CD300LF: variants seen among roughly 807,000 people sequenced by gnomAD.
CD300LF encodes CMRF35-like molecule 1.
Under a neutral mutation model 32.2 loss-of-function variants are expected in CD300LF, and 27 were observed. The observed-to-expected ratio is 0.84, with a 90% CI of 0.62 to 1.15. The LOEUF (loss-of-function observed/expected upper bound fraction) is 1.15. Among genes scored for constraint, CD300LF ranks in the 50% most tolerant of loss-of-function variants. The probability of loss-of-function intolerance (pLI) is 0.00; values close to 1 mark genes in which losing one functional copy is unlikely to be tolerated. For missense variants in CD300LF, 348 were observed against 356.8 expected (o/e 0.98, Z 0.20); for synonymous variants, 139 against 143.2 (o/e 0.97, Z 0.21).
chr17:74,696,289 A>G, intron 4 of CD300LF, 72 bp from the exon 5 acceptor site: 2 of 1,495,964 alleles, frequency 1.3e-6, no homozygotes, highest in Admixed American at 4.4e-5. Context: ...AGGTCTAGGG[A>G]AGAGAAATAT....
intron 3 of CD300LF, among the ~76,000 whole-genome samples, chr17:74,699,632 C>G (rs2032852942): frequency 6.6e-6 from 1 of 152,142 alleles, no homozygotes; most frequent in African/African-American, 2.4e-5. Context: ...ATGAGACAGA[C>G]TCTCCCTTTG....
Position 74,695,554 on chromosome 17 carries a change from A to C in CD300LF, c.717+171T>G, listed in dbSNP as rs981175528. On this transcript the variant is annotated intron_variant, in intron 6 of 6. Coordinates refer to ENST00000326165, the MANE Select transcript of CD300LF (RefSeq NM_139018.5). The stretch of plus-strand genomic sequence containing the variant: ...GCCAGTCCCTGTGTCCCCAGGACTG[A>C]GACTTGCCTGTGGGAGCTCCTAGGC... 1.1e-4 allele frequency among the ~76,000 whole-genome samples: 16 copies of C among 152,150 alleles called. No individual in the cohort carries two copies. In the South Asian group the frequency reaches 1.2e-3, roughly 12 times the overall value.
chr17:74,706,345 T>TC (rs1474818910), intron 1 of CD300LF, among the ~76,000 whole-genome samples: 1 of 144,112 alleles, frequency 6.9e-6, no homozygotes, highest in Non-Finnish European at 1.5e-5. Context: ...TGCCTGGCCT[T>TC]TTTTTTTTTT....
intron 3 of CD300LF, among the ~76,000 whole-genome samples, chr17:74,701,876 G>C (rs987710453): frequency 3.3e-5 from 5 of 151,250 alleles, no homozygotes; most frequent in Admixed American, 2.6e-4. Flanking sequence ...ACAATTAGCT[G>C]GGTGTGGTGG....
intron 5 of CD300LF, 63 bp from the exon 6 acceptor site, chr17:74,695,922 C>G: frequency 6.4e-7 from 1 of 1,562,362 alleles, no homozygotes; most frequent in Non-Finnish European, 8.7e-7. Flanking sequence ...GTTCCTTTTC[C>G]ACGGTGGGAC....
At chr17:74,701,222 ATCAG>A (rs2033023270) in intron 3 of CD300LF, among the ~76,000 whole-genome samples, 2 of 152,260 alleles carry the variant, frequency 1.3e-5, no homozygotes, top group African/African-American at 4.8e-5. Context: ...AAAGAAATTC[ATCAG>A]TCAATTAATT....
chr17:74,700,181 A>C (rs1408644921), intron 3 of CD300LF, among the ~76,000 whole-genome samples: 1 of 151,760 alleles, frequency 6.6e-6, no homozygotes, highest in Non-Finnish European at 1.5e-5. Flanking sequence ...ACAAACAAAC[A>C]AACAATCAAA....
At chr17:74,710,577 G>T (rs1317646978) in intron 1 of CD300LF, among the ~76,000 whole-genome samples, 2 of 152,168 alleles carry the variant, frequency 1.3e-5, no homozygotes, top group African/African-American at 4.8e-5. Flanking sequence ...AGCACAGTGA[G>T]GCTGGGCGCG....
At chr17:74,702,300 C>A (rs2033125012) in intron 3 of CD300LF, among the ~76,000 whole-genome samples, 1 of 152,162 alleles carries the variant, frequency 6.6e-6, no homozygotes, top group African/African-American at 2.4e-5. Flanking sequence ...AGAGGCATGA[C>A]CTGAGCTATG....
At chr17:74,698,561 G>A (rs547122399) in intron 3 of CD300LF, 80 bp from the exon 4 acceptor site, 1 of 1,535,534 alleles carries the variant, frequency 6.5e-7, no homozygotes, top group South Asian at 1.2e-5. Context: ...CCAGCAGCAG[G>A]GGAGGGCCAC....
Position 74,704,708 on chromosome 17 carries a change from T to C in CD300LF, c.152A>G (p.Lys51Arg). The C allele has an allele frequency of 1.2e-6, 2 of 1,614,160 alleles. No individual in the cohort carries two copies. The highest frequency in any genetic ancestry group is 1.7e-6 in the Non-Finnish European group (2 of 1,180,032). ...CCAAATAGCTCCTCGACACCACCAC[T>C]TCAAGTAGGTCTCCCAGCCTGATCT... ...VYRSGWETYL[K>R]WWCRGAIWRD... Residue 51 changes from lysine (K) to arginine (R), a missense_variant, in exon 2 of 7, where the codon AAG becomes AGG. Coordinates refer to ENST00000326165, the MANE Select transcript of CD300LF (RefSeq NM_139018.5).
In CD300LF at chr17:74,695,783, G is replaced by A. The variant is rs1387240428; in HGVS notation, c.659C>T (p.Ala220Val). The stretch of plus-strand genomic sequence containing the variant: ...CTGGGCAGAGGAAAGCTTCGTGGTA[G>A]CCTTTTGCGGGGAGGTTCCGGCCAG... The part of the protein sequence containing the change: ...LQLAGTSPQK[A>V]TTKLSSAQVD... The change falls in exon 6 of 7, where the codon GCT (alanine) becomes GTT (valine). Residue 220 changes from alanine to valine, a missense_variant. Physicochemically the swap from Ala to Val is moderately conservative, Grantham distance 64. Transcript: ENST00000326165. 6.2e-7 allele frequency: 1 copy of A among 1,614,194 alleles called. No homozygotes were observed. The highest frequency in any genetic ancestry group is 2.2e-5 in the East Asian group (1 of 44,882).
intron 1 of CD300LF, among the ~76,000 whole-genome samples, chr17:74,706,807 G>A (rs1394467832): frequency 6.6e-6 from 1 of 152,216 alleles, no homozygotes; most frequent in Non-Finnish European, 1.5e-5. Context: ...GGGTATCCAT[G>A]CGAAGGCACA....
chr17:74,707,690 G>A (rs1360975630), intron 1 of CD300LF, among the ~76,000 whole-genome samples: 3 of 148,910 alleles, frequency 2.0e-5, no homozygotes, highest in Non-Finnish European at 3.0e-5. Flanking sequence ...ATTCCAGCCC[G>A]AGCAACAGAG....
At chr17:74,702,023 TA>T (rs1056975884) in intron 3 of CD300LF, among the ~76,000 whole-genome samples, 22 of 139,662 alleles carry the variant, frequency 1.6e-4, no homozygotes, top group Non-Finnish European at 3.5e-4. Context: ...TGTCTAAAAA[TA>T]AAAAAAAAGA....
At chr17:74,696,819 G>A (rs1295719964) in intron 4 of CD300LF, among the ~76,000 whole-genome samples, 2 of 152,164 alleles carry the variant, frequency 1.3e-5, no homozygotes, top group Admixed American at 6.5e-5. Flanking sequence ...AGTAAAAGTT[G>A]TCTGCAGAGA....
chr17:74,701,837 G>C (rs1273821948), intron 3 of CD300LF, among the ~76,000 whole-genome samples: 1 of 137,914 alleles, frequency 7.3e-6, no homozygotes, highest in Non-Finnish European at 1.5e-5. Context: ...GCAACAGAGT[G>C]AGAATCCGTC....
At chr17:74,700,414 T>A (rs1307170824) in intron 3 of CD300LF, among the ~76,000 whole-genome samples, 1 of 152,128 alleles carries the variant, frequency 6.6e-6, no homozygotes, top group Non-Finnish European at 1.5e-5. Context: ...GAGCTCTGTG[T>A]GGCTCACTTT....
intron 2 of CD300LF, among the ~76,000 whole-genome samples, chr17:74,703,663 C>T (rs1453297902): frequency 6.6e-6 from 1 of 152,192 alleles, no homozygotes; most frequent in Admixed American, 6.5e-5. Flanking sequence ...CCCATTGAGA[C>T]AATGCACGTT....
Sources: gnomAD v4.1 joint callset for allele counts (sites outside exome capture counted in the v4.1 genomes callset) on GRCh38, gnomAD v4.1.1 for gene constraint, MANE v1.5 for transcripts, NCBI Gene and HGNC (gene_info 2026-07-23, HGNC 2026-07-21) for gene names.